Variants in LRP1B observed in about 807,000 individuals in gnomAD.
The protein encoded by LRP1B is LDL receptor related protein 1B.
Under a neutral mutation model 556.6 loss-of-function variants are expected in LRP1B, and 217 were observed. That is an observed-to-expected ratio of 0.39 (90% confidence interval 0.35 to 0.44). The LOEUF (loss-of-function observed/expected upper bound fraction) is 0.44, where lower values mean the gene tolerates loss of function less well. Ranked by LOEUF, LRP1B falls within the 20% of genes least tolerant of loss-of-function variation. The pLI is 1.00. For synonymous variants in LRP1B, 2,047 were observed against 1,865.8 expected (o/e 1.10, Z -2.50); for missense variants, 5,053 against 5,620.8 (o/e 0.90, Z 3.23).
intron 43 of LRP1B, among the ~76,000 whole-genome samples, chr2:140,575,057 T>A (rs1681466918): frequency 2.0e-5 from 3 of 152,180 alleles, no homozygotes; most frequent in Admixed American, 2.0e-4. Context: ...TACCTAGCTA[T>A]GGATGGACAA....
intron 69 of LRP1B, among the ~76,000 whole-genome samples, chr2:140,372,625 C>A (rs1558836651): frequency 6.6e-6 from 1 of 152,080 alleles, no homozygotes; most frequent in Admixed American, 6.6e-5. Context: ...GCTAGCATCA[C>A]ATTGAAATGA....
chr2:140,874,874 CG>C (rs1266069489), intron 25 of LRP1B, among the ~76,000 whole-genome samples: 2 of 151,838 alleles, frequency 1.3e-5, no homozygotes, highest in African/African-American at 2.4e-5. Flanking sequence ...AAAAAAATAG[CG>C]GGGCGTGGTG....
At chr2:141,396,220 A>G (rs1690232599) in intron 3 of LRP1B, among the ~76,000 whole-genome samples, 1 of 152,226 alleles carries the variant, frequency 6.6e-6, no homozygotes, top group Non-Finnish European at 1.5e-5. Context: ...ATGAAAAACA[A>G]AACACATACA....
chr2:140,775,405 A>G (rs1020846439), intron 33 of LRP1B, among the ~76,000 whole-genome samples: 2 of 151,606 alleles, frequency 1.3e-5, no homozygotes, highest in African/African-American at 4.8e-5. Context: ...AAAGTATGTG[A>G]AGCTAAGGAT....
At position 141,128,909 on chromosome 2, in the gene LRP1B, T is replaced by A. The variant is rs367977657; in HGVS notation, c.1013+59512A>T. Among the ~76,000 whole-genome samples the A allele has an allele frequency of 9.8e-5, 15 of 152,324 alleles. No individual in the cohort carries two copies. The East Asian group carries it at 2.7e-3, about 27-fold the overall frequency. On this transcript the variant is annotated intron_variant, in intron 7 of 90. Coordinates refer to ENST00000389484, the MANE Select transcript of LRP1B (RefSeq NM_018557.3). ...CACCACATAAGTTATATCATCCTAC[T>A]AATTCTAATTACCTAAGTGCCTAAA...
At chr2:142,056,858 C>A (rs1704692859) in intron 1 of LRP1B, among the ~76,000 whole-genome samples, 1 of 152,054 alleles carries the variant, frequency 6.6e-6, no homozygotes, top group African/African-American at 2.4e-5. Flanking sequence ...ATGATAATTT[C>A]AGCCCAGGCA....
At chr2:141,115,900 C>A (rs1204812456) in intron 7 of LRP1B, among the ~76,000 whole-genome samples, 1 of 152,100 alleles carries the variant, frequency 6.6e-6, no homozygotes, top group Non-Finnish European at 1.5e-5. Context: ...GATTCACAGT[C>A]TTCTTACATC....
At chr2:140,615,110 G>T (rs1263188937) in intron 41 of LRP1B, among the ~76,000 whole-genome samples, 3 of 152,086 alleles carry the variant, frequency 2.0e-5, no homozygotes, top group African/African-American at 7.2e-5. Context: ...CTCCCCAAAT[G>T]CTCCTAGAGA....
intron 18 of LRP1B, among the ~76,000 whole-genome samples, chr2:140,962,414 A>T (rs981264641): frequency 3.9e-5 from 6 of 152,212 alleles, no homozygotes; most frequent in Non-Finnish European, 7.3e-5. Flanking sequence ...TGAAAATAAC[A>T]TTGTAAAAAA....
chr2:141,363,796 ATAGT>A (rs1013332956), intron 3 of LRP1B, among the ~76,000 whole-genome samples: 2 of 152,186 alleles, frequency 1.3e-5, no homozygotes, highest in Non-Finnish European at 2.9e-5. Flanking sequence ...GTTAAAATGT[ATAGT>A]TATTCTATAA....
chr2:141,397,387 T>A (rs905895491), intron 3 of LRP1B, among the ~76,000 whole-genome samples: 5 of 151,796 alleles, frequency 3.3e-5, no homozygotes, highest in Non-Finnish European at 5.9e-5. Flanking sequence ...TTTACTAACA[T>A]ATCTATGTAT....
chr2:141,056,081 A>C (rs886936840), intron 9 of LRP1B, among the ~76,000 whole-genome samples: 6 of 151,902 alleles, frequency 3.9e-5, no homozygotes, highest in Non-Finnish European at 7.4e-5. Flanking sequence ...ATATCATGGC[A>C]GTGTTCTCTT....
intron 2 of LRP1B, among the ~76,000 whole-genome samples, chr2:141,514,501 A>G (rs1219264406): frequency 1.3e-5 from 2 of 151,986 alleles, no homozygotes; most frequent in African/African-American, 4.8e-5. Context: ...GCCAAACCTA[A>G]CTTCTTCTTA....
At chr2:141,479,766 A>T (rs1682848435) in intron 3 of LRP1B, among the ~76,000 whole-genome samples, 1 of 151,334 alleles carries the variant, frequency 6.6e-6, no homozygotes, top group Non-Finnish European at 1.5e-5. Context: ...TCCCCACTCC[A>T]CCCCGCACTA....
intron 59 of LRP1B, among the ~76,000 whole-genome samples, chr2:140,481,650 C>A (rs1688252410): frequency 6.7e-6 from 1 of 150,150 alleles, no homozygotes; most frequent in Non-Finnish European, 1.5e-5. Flanking sequence ...AATAGATCTA[C>A]AAACTGATCA....
chr2:141,486,990 C>T (rs1323976214), intron 2 of LRP1B, among the ~76,000 whole-genome samples: 1 of 152,238 alleles, frequency 6.6e-6, no homozygotes, highest in East Asian at 1.9e-4. Context: ...ATACCTCTCT[C>T]TTAGAACATT....
intron 3 of LRP1B, among the ~76,000 whole-genome samples, chr2:141,255,604 C>G (rs1041186330): frequency 6.6e-6 from 1 of 151,996 alleles, no homozygotes; most frequent in African/African-American, 2.4e-5. Flanking sequence ...GTTCAGCATT[C>G]TCATACAATT....
At chr2:141,955,076 C>T (rs975066230) in intron 1 of LRP1B, among the ~76,000 whole-genome samples, 2 of 152,118 alleles carry the variant, frequency 1.3e-5, no homozygotes, top group Admixed American at 1.3e-4. Flanking sequence ...TTGCAACTAA[C>T]ACAGCCATCT....
chr2:141,758,386 G>A (rs904290142), intron 2 of LRP1B, among the ~76,000 whole-genome samples: 1 of 151,982 alleles, frequency 6.6e-6, no homozygotes, highest in Non-Finnish European at 1.5e-5. Context: ...ATGTCAAAAT[G>A]TATTTTTTAT....
Sources: gnomAD v4.1 joint callset for allele counts (sites outside exome capture counted in the v4.1 genomes callset) on GRCh38, gnomAD v4.1.1 for gene constraint, MANE v1.5 for transcripts, NCBI Gene and HGNC (gene_info 2026-07-23, HGNC 2026-07-21) for gene names.